FRMD4A: variants seen among roughly 807,000 people sequenced by gnomAD.
The protein encoded by FRMD4A is FERM domain-containing protein 4A.
FRMD4A carries 29 observed loss-of-function variants against 129.1 expected under a neutral mutation model. The ratio of observed to expected loss-of-function variants is 0.22; its 90% CI spans 0.17 to 0.31. The LOEUF (loss-of-function observed/expected upper bound fraction) is 0.31, where lower values mean the gene tolerates loss of function less well. FRMD4A is among the 10% of genes least tolerant of loss of function. The probability of loss-of-function intolerance (pLI) is 1.00; values close to 1 mark genes in which losing one functional copy is unlikely to be tolerated. For synonymous variants in FRMD4A, 634 were observed against 571.6 expected (o/e 1.11, Z -1.56); for missense variants, 1,272 against 1,375.8 (o/e 0.92, Z 1.19).
intron 6 of FRMD4A, among the ~76,000 whole-genome samples, chr10:13,775,121 T>C (rs77131085): frequency 8.5e-4 from 129 of 152,084 alleles, no homozygotes; most frequent in Middle Eastern, 6.8e-3. Context: ...ATTTGATAAA[T>C]AGGAATTCTG....
chr10:14,194,332 C>T (rs558290712), intron 2 of FRMD4A, among the ~76,000 whole-genome samples: 3 of 152,218 alleles, frequency 2.0e-5, no homozygotes, highest in African/African-American at 4.8e-5. Flanking sequence ...CGGAGGAGGC[C>T]GGGTGCAGTG....
In FRMD4A at chr10:14,131,396, G is replaced by GCTC. The variant is rs764703709; in HGVS notation, c.45+198661_45+198662insGAG. 2.0e-4 allele frequency among the ~76,000 whole-genome samples: 30 copies of GCTC among 149,050 alleles called. No individual in the cohort carries two copies. The East Asian group carries it at 3.5e-3, about 17-fold the overall frequency. ...TTAGCTCCTTAGCCCAACTCACTGT[G>GCTC]CCCCCCCCGGCCGCCCTGTTGTCTC... On this transcript the variant is annotated intron_variant, in intron 2 of 24. Coordinates refer to ENST00000357447, the MANE Select transcript of FRMD4A (RefSeq NM_018027.5).
At chr10:14,034,450 G>A (rs1237231244) in intron 2 of FRMD4A, among the ~76,000 whole-genome samples, 1 of 152,212 alleles carries the variant, frequency 6.6e-6, no homozygotes, top group East Asian at 1.9e-4. Context: ...GCTGGCTGTG[G>A]AACAGCCATG....
At chr10:13,895,462 A>T (rs967986895) in intron 2 of FRMD4A, among the ~76,000 whole-genome samples, 2 of 152,150 alleles carry the variant, frequency 1.3e-5, no homozygotes, top group African/African-American at 2.4e-5. Flanking sequence ...TGTATGTGCC[A>T]TGTTTTCACT....
intron 2 of FRMD4A, chr10:14,007,227 A>G (rs2095665342): frequency 6.6e-6 from 1 of 152,298 alleles, no homozygotes; most frequent in African/African-American, 2.4e-5. Flanking sequence ...TATGTAGGTG[A>G]CGAAAACTCA....
intron 2 of FRMD4A, among the ~76,000 whole-genome samples, chr10:13,867,680 T>C (rs1432083461): frequency 1.1e-4 from 8 of 72,804 alleles, no homozygotes; most frequent in South Asian, 4.0e-4. Context: ...TAATATATAA[T>C]AAATATATAT....
chr10:13,920,712 T>C (rs1490456536), intron 2 of FRMD4A, among the ~76,000 whole-genome samples: 3 of 152,272 alleles, frequency 2.0e-5, no homozygotes, highest in Non-Finnish European at 4.4e-5. Flanking sequence ...TAGACATGTG[T>C]CCTGCACTTG....
chr10:14,146,270 T>C (rs137980674), intron 2 of FRMD4A, among the ~76,000 whole-genome samples: 215 of 152,326 alleles, frequency 1.4e-3, no homozygotes, highest in Non-Finnish European at 2.3e-3. Flanking sequence ...AGCTAGATTA[T>C]GTGACAGGAA....
At position 13,865,843 on chromosome 10, in the gene FRMD4A, T is replaced by A. The variant is rs181217900; in HGVS notation, c.46-6931A>T. ...AGTAAAAAAATAGTCAATTGACACCTGTATTCTCTTAGTTTCCTGAGGCTA... is the reference window on the plus strand; with the variant it reads ...AGTAAAAAAATAGTCAATTGACACCAGTATTCTCTTAGTTTCCTGAGGCTA... On this transcript the variant is annotated intron_variant, in intron 2 of 24. Transcript: ENST00000357447. Among the ~76,000 whole-genome samples, 314 of 152,266 alleles carry A rather than the reference T, an allele frequency of 2.1e-3. 1 individual carries two copies. The highest frequency in any genetic ancestry group is 7.3e-3 in the African/African-American group (303 of 41,538).
chr10:14,284,391 A>G (rs1304698470), intron 2 of FRMD4A, among the ~76,000 whole-genome samples: 3 of 152,156 alleles, frequency 2.0e-5, no homozygotes, highest in African/African-American at 7.2e-5. Context: ...GTTCATGCCT[A>G]TAATGCCAGC....
At chr10:13,850,588 C>A (rs1483946954) in intron 3 of FRMD4A, among the ~76,000 whole-genome samples, 3 of 152,212 alleles carry the variant, frequency 2.0e-5, no homozygotes, top group Non-Finnish European at 4.4e-5. Flanking sequence ...TGGGTAAGCC[C>A]ATCTTCCATT....
chr10:14,197,803 A>G (rs751388271), intron 2 of FRMD4A, among the ~76,000 whole-genome samples: 1 of 152,276 alleles, frequency 6.6e-6, no homozygotes, highest in Non-Finnish European at 1.5e-5. Flanking sequence ...ACGTTTGTCC[A>G]TAATTATTAA....
intron 2 of FRMD4A, among the ~76,000 whole-genome samples, chr10:14,124,049 T>A (rs1272675424): frequency 6.6e-6 from 1 of 152,132 alleles, no homozygotes; most frequent in Non-Finnish European, 1.5e-5. Context: ...CCAACTCACA[T>A]GAGTAACACT....
chr10:14,306,085 T>C (rs1252687051), intron 2 of FRMD4A, among the ~76,000 whole-genome samples: 2 of 152,208 alleles, frequency 1.3e-5, no homozygotes, highest in African/African-American at 4.8e-5. Flanking sequence ...GGCACACATT[T>C]ATATAACAAA....
chr10:13,691,719 G>C (rs2085710943), intron 15 of FRMD4A, among the ~76,000 whole-genome samples: 1 of 152,304 alleles, frequency 6.6e-6, no homozygotes, highest in South Asian at 2.1e-4. Context: ...AATCCAAGCT[G>C]AAGTCAGCCA....
intron 3 of FRMD4A, among the ~76,000 whole-genome samples, chr10:13,842,601 G>A (rs1053368483): frequency 3.9e-5 from 6 of 152,324 alleles, no homozygotes; most frequent in East Asian, 1.9e-4. Flanking sequence ...AATTCAAACC[G>A]GATCTGACTT....
intron 12 of FRMD4A, chr10:13,710,502 C>T (rs1202774012): frequency 6.6e-6 from 1 of 152,364 alleles, no homozygotes; most frequent in African/African-American, 2.4e-5. Flanking sequence ...AGCTTCTGCC[C>T]TTGGCTGCGA....
At chr10:13,919,735 C>T (rs535947182) in intron 2 of FRMD4A, among the ~76,000 whole-genome samples, 9 of 152,008 alleles carry the variant, frequency 5.9e-5, no homozygotes, top group South Asian at 4.2e-4. Flanking sequence ...GTTAGGAGTT[C>T]GAGACCAGCC....
At chr10:14,030,207 C>A (rs1394770529) in intron 2 of FRMD4A, among the ~76,000 whole-genome samples, 1 of 152,194 alleles carries the variant, frequency 6.6e-6, no homozygotes, top group Non-Finnish European at 1.5e-5. Context: ...GTTAACAATG[C>A]TGTACTGTCT....
Sources: allele counts gnomAD v4.1 joint callset (sites outside exome capture counted in the v4.1 genomes callset), GRCh38; gene constraint gnomAD v4.1.1; transcripts MANE v1.5; gene names NCBI Gene and HGNC (gene_info 2026-07-23, HGNC 2026-07-21).